The following CEP89 variants were observed in gnomAD, a reference collection of about 807,000 sequenced individuals.
CEP89 encodes centrosomal protein of 89 kDa.
A neutral mutation model predicts 97.6 loss-of-function variants in CEP89; 95 were observed. That is an observed-to-expected ratio of 0.97 (90% CI 0.82 to 1.15). The LOEUF (loss-of-function observed/expected upper bound fraction) is 1.15. CEP89 is among the 50% of genes most tolerant of loss of function. CEP89 has a pLI of 0.00. For missense variants in CEP89, 869 were observed against 947.7 expected, an observed-to-expected ratio of 0.92 and a Z score of 1.09; for synonymous variants, 354 against 349.1, an observed-to-expected ratio of 1.01 and a Z score of -0.16.
At chr19:32,940,781 A>G (rs1045341098) in intron 5 of CEP89, among the ~76,000 whole-genome samples, 1 of 141,410 alleles carries the variant, frequency 7.1e-6, no homozygotes, top group Non-Finnish European at 1.5e-5. Context: ...TTTTTTTTTG[A>G]GACGGAGTCT....
At chr19:32,895,276 A>G (rs1321483949) in intron 16 of CEP89, among the ~76,000 whole-genome samples, 1 of 152,194 alleles carries the variant, frequency 6.6e-6, no homozygotes, top group Non-Finnish European at 1.5e-5. Flanking sequence ...ATAATATGCC[A>G]TGATCAAGTG....
intron 16 of CEP89, among the ~76,000 whole-genome samples, chr19:32,895,389 A>G (rs1457018995): frequency 1.3e-5 from 2 of 152,204 alleles, no homozygotes; most frequent in African/African-American, 4.8e-5. Flanking sequence ...CACCAATGGA[A>G]ACAGAAAAAA....
At chr19:32,966,715 T>C (rs1278800747) in intron 1 of CEP89, among the ~76,000 whole-genome samples, 3 of 152,198 alleles carry the variant, frequency 2.0e-5, no homozygotes, top group Non-Finnish European at 4.4e-5. Context: ...AGAGCTTCCC[T>C]GGCTGTCCCC....
intron 2 of CEP89, among the ~76,000 whole-genome samples, chr19:32,961,916 T>A (rs980967691): frequency 2.0e-5 from 3 of 152,072 alleles, no homozygotes; most frequent in Admixed American, 2.0e-4. Flanking sequence ...AATGTTGGGA[T>A]TACAGCCATG....
At chr19:32,967,745 G>A (rs1304619505) in intron 1 of CEP89, among the ~76,000 whole-genome samples, 1 of 152,228 alleles carries the variant, frequency 6.6e-6, no homozygotes, top group Non-Finnish European at 1.5e-5. Flanking sequence ...AGCATTCTAG[G>A]AAGAGGGAAC....
At chr19:32,913,147 TATAC>T (rs1180615240) in intron 14 of CEP89, among the ~76,000 whole-genome samples, 1 of 148,352 alleles carries the variant, frequency 6.7e-6, no homozygotes, top group Non-Finnish European at 1.5e-5. Context: ...ATTATATAAT[TATAC>T]ATATATTAGT....
intron 16 of CEP89, among the ~76,000 whole-genome samples, chr19:32,894,088 C>T (rs779258313): frequency 4.8e-4 from 73 of 152,244 alleles, no homozygotes; most frequent in Admixed American, 3.9e-4. Context: ...GTCCCAGTGA[C>T]GCAGGAGGCA....
chr19:32,896,193 G>A (rs538245180), intron 16 of CEP89, among the ~76,000 whole-genome samples: 16 of 152,224 alleles, frequency 1.1e-4, no homozygotes, highest in East Asian at 3.9e-4. Flanking sequence ...AAAGCTGAAG[G>A]TATTACCCTA....
chr19:32,952,598 AT>A (rs1970944745), intron 4 of CEP89, among the ~76,000 whole-genome samples: 2 of 152,080 alleles, frequency 1.3e-5, no homozygotes, highest in Non-Finnish European at 2.9e-5. Context: ...ACACATTATA[AT>A]GATGGTGAAA....
At chr19:32,949,947 CT>C (rs1970876801) in intron 4 of CEP89, among the ~76,000 whole-genome samples, 1 of 152,024 alleles carries the variant, frequency 6.6e-6, no homozygotes, top group Non-Finnish European at 1.5e-5. Context: ...CCAAGATGAC[CT>C]GGCTCAAGAG....
chr19:32,883,852 C>G (rs1347514888), intron 17 of CEP89, among the ~76,000 whole-genome samples: 1 of 152,046 alleles, frequency 6.6e-6, no homozygotes, highest in East Asian at 1.9e-4. Flanking sequence ...CTTGATCAGT[C>G]TTGGATTAAG....
chr19:32,921,716 G>C (rs549640174), intron 12 of CEP89, among the ~76,000 whole-genome samples: 1 of 152,160 alleles, frequency 6.6e-6, no homozygotes, highest in East Asian at 1.9e-4. Flanking sequence ...CCAGTCCACT[G>C]TTCAAGGAGG....
At chr19:32,939,799 A>C in intron 6 of CEP89, 58 bp downstream of exon 6, 2 of 824,764 alleles carry the variant, frequency 2.4e-6, no homozygotes, top group South Asian at 3.2e-5. Flanking sequence ...ATTTATGAAA[A>C]ATTATGATAA....
chr19:32,952,344 G>T (rs1970937751), intron 4 of CEP89, among the ~76,000 whole-genome samples: 1 of 149,942 alleles, frequency 6.7e-6, no homozygotes, highest in African/African-American at 2.4e-5. Context: ...AGCCAGTTGT[G>T]GTGCCGCGTG....
chr19:32,916,269 C>A (rs1311218660), intron 13 of CEP89, among the ~76,000 whole-genome samples: 2 of 152,092 alleles, frequency 1.3e-5, no homozygotes, highest in Non-Finnish European at 2.9e-5. Flanking sequence ...CACAGCGAGA[C>A]CTTGTCTCCA....
intron 6 of CEP89, among the ~76,000 whole-genome samples, chr19:32,938,888 T>C (rs2145938264): frequency 6.6e-6 from 1 of 152,192 alleles, no homozygotes; most frequent in East Asian, 1.9e-4. Flanking sequence ...AGGCGGAGGT[T>C]GCAGTGAGCC....
At chr19:32,896,219 C>A (rs2145881830) in intron 16 of CEP89, among the ~76,000 whole-genome samples, 1 of 152,244 alleles carries the variant, frequency 6.6e-6, no homozygotes, top group African/African-American at 2.4e-5. Flanking sequence ...CTTCAAAATA[C>A]ATTACAAGGC....
chr19:32,939,683 A>C (rs1434147661), intron 6 of CEP89, among the ~76,000 whole-genome samples, 174 bp downstream of exon 6: 12 of 152,070 alleles, frequency 7.9e-5, no homozygotes, highest in Non-Finnish European at 1.5e-5. Context: ...TCTCAAAAAA[A>C]AAAAAAAGCA....
chr19:32,908,792 G>A (rs1054328157), intron 14 of CEP89, among the ~76,000 whole-genome samples: 1 of 152,136 alleles, frequency 6.6e-6, no homozygotes, highest in African/African-American at 2.4e-5. Context: ...CGCTCACACC[G>A]GGGGAATGTC....
Sources: gnomAD v4.1 joint callset for allele counts (sites outside exome capture counted in the v4.1 genomes callset) on GRCh38, gnomAD v4.1.1 for gene constraint, MANE v1.5 for transcripts, NCBI Gene and HGNC (gene_info 2026-07-23, HGNC 2026-07-21) for gene names.